CFTR: variants seen among roughly 807,000 people sequenced by gnomAD.
The protein encoded by CFTR is CF transmembrane conductance regulator.
A neutral mutation model predicts 171.6 loss-of-function variants in CFTR; 181 were observed. The ratio of observed to expected loss-of-function variants is 1.05; its 90% CI spans 0.93 to 1.19. CFTR has a LOEUF of 1.19. Ranked by LOEUF, CFTR falls within the 50% of genes most tolerant of loss-of-function variation. The pLI is 0.00. For missense variants in CFTR, 1,968 were observed against 1,734.7 expected (o/e 1.13, Z -2.39); for synonymous variants, 583 against 608.0 (o/e 0.96, Z 0.60).
intron 22 of CFTR, among the ~76,000 whole-genome samples, chr7:117,628,698 C>T (rs1792692633): frequency 6.6e-6 from 1 of 151,910 alleles, no homozygotes; most frequent in African/African-American, 2.4e-5. Context: ...TTTGATTTTG[C>T]CCATGGATTT....
chr7:117,559,751 A>G (rs987927190), intron 11 of CFTR, 96 bp downstream of exon 11: 30 of 828,652 alleles, frequency 3.6e-5, no homozygotes, highest in Non-Finnish European at 5.8e-5. Context: ...GTTAGTCTAC[A>G]TATATTTATG....
At chr7:117,508,684 AT>A (rs1417256635) in intron 2 of CFTR, among the ~76,000 whole-genome samples, 1 of 152,182 alleles carries the variant, frequency 6.6e-6, no homozygotes, top group Admixed American at 6.5e-5. Flanking sequence ...TTGTGTGTTT[AT>A]TTTTTCCACC....
intron 24 of CFTR, among the ~76,000 whole-genome samples, chr7:117,661,983 GAAAAAAAAAA>G (rs57319132): frequency 1.1e-5 from 1 of 87,494 alleles, no homozygotes; most frequent in African/African-American, 3.8e-5. Flanking sequence ...TAATTTTACT[GAAAAAAAAAA>G]AAAAAAAAAA....
At position 117,511,473 on chromosome 7, in the gene CFTR, C is replaced by T. The variant is rs140550688; in HGVS notation, c.273+2331C>T. ...GCATGGGGGTGAGTGGAAAGGTACT[C>T]CTGAGCCCGAGGCTACAGCTTTGGA... On this transcript the variant is annotated intron_variant, in intron 3 of 26. Transcript: ENST00000003084. Among the ~76,000 whole-genome samples the T allele has an allele frequency of 4.6e-5, 7 of 152,256 alleles. No individual in the cohort carries two copies. In the East Asian group the frequency reaches 1.2e-3, roughly 25 times the overall value.
At chr7:117,632,975 T>G (rs1254596473) in intron 22 of CFTR, among the ~76,000 whole-genome samples, 1 of 152,216 alleles carries the variant, frequency 6.6e-6, no homozygotes. Context: ...TCTTCTCTTT[T>G]GATACAGTGT....
rs1438951007 is a variant in CFTR at position 117,555,778 on chromosome 7, A to C, written c.1393-3686A>C. Among the ~76,000 whole-genome samples the C allele has an allele frequency of 1.3e-5, 2 of 152,212 alleles. 1 individual carries two copies. The highest frequency in any genetic ancestry group is 1.3e-4 in the Admixed American group (2 of 15,288). On this transcript the variant is annotated intron_variant, in intron 10 of 26. Transcript: ENST00000003084. The stretch of plus-strand genomic sequence containing the variant: ...AAAATGTGAAACCATCAGTGCAGCT[A>C]TGCCAGCAGGTGTGAAGTCTTGCAC...
intron 3 of CFTR, among the ~76,000 whole-genome samples, chr7:117,510,402 C>G (rs1362122604): frequency 6.6e-6 from 1 of 152,124 alleles, no homozygotes; most frequent in Non-Finnish European, 1.5e-5. Context: ...ACAGTTCACT[C>G]TGATCCTATC....
rs3779543 is a variant in CFTR at position 117,512,717 on chromosome 7, A to G, written c.273+3575A>G. Among the ~76,000 whole-genome samples, 110 of 151,892 alleles carry G rather than the reference A, an allele frequency of 7.2e-4. No individual in the cohort carries two copies. The East Asian group carries it at 0.018, about 25-fold the overall frequency. On this transcript the variant is annotated intron_variant, in intron 3 of 26. Coordinates refer to ENST00000003084, the MANE Select transcript of CFTR (RefSeq NM_000492.4). The stretch of plus-strand genomic sequence containing the variant: ...CTGAATGTGAGAGTCAGTCAAGGAT[A>G]GTTTGAGGGAAGCCAAGTAGAGGAA...
At chr7:117,638,797 A>T (rs34752468) in intron 22 of CFTR, among the ~76,000 whole-genome samples, 219 of 151,862 alleles carry the variant, frequency 1.4e-3, no homozygotes, top group African/African-American at 4.8e-3. Flanking sequence ...ATAAAACAAA[A>T]ATTTTATTCT....
At chr7:117,523,957 T>G (rs1406946917) in intron 3 of CFTR, among the ~76,000 whole-genome samples, 1 of 152,246 alleles carries the variant, frequency 6.6e-6, no homozygotes, top group African/African-American at 2.4e-5. Flanking sequence ...TCTTTTTTTC[T>G]CAGAAGCTTC....
intron 24 of CFTR, 104 bp downstream of exon 24, chr7:117,653,035 G>T (rs1793112266): frequency 1.3e-6 from 1 of 794,320 alleles, no homozygotes; most frequent in Non-Finnish European, 2.3e-6. Context: ...ATGTATGTGT[G>T]TGCACAACTT....
intron 5 of CFTR, among the ~76,000 whole-genome samples, chr7:117,534,756 C>T (rs1433296135): frequency 2.0e-5 from 3 of 152,108 alleles, no homozygotes; most frequent in Admixed American, 2.0e-4. Context: ...TTTATCTTTG[C>T]ATATCCATTA....
At chr7:117,520,326 A>T (rs527842253) in intron 3 of CFTR, among the ~76,000 whole-genome samples, 17 of 146,138 alleles carry the variant, frequency 1.2e-4, no homozygotes, top group African/African-American at 4.3e-4. Flanking sequence ...TGGCAAATCT[A>T]TATATCTTTT....
At chr7:117,594,582 G>A (rs991904281) in intron 14 of CFTR, among the ~76,000 whole-genome samples, 1 of 152,012 alleles carries the variant, frequency 6.6e-6, no homozygotes, top group African/African-American at 2.4e-5. Context: ...GAGAGTTCTG[G>A]GAAACTTCAT....
chr7:117,504,203 G>A lies in CFTR; in HGVS notation c.54-50G>A, dbSNP rs376395433. On this transcript the variant is annotated intron_variant, in intron 1 of 26. Transcript: ENST00000003084. The stretch of plus-strand genomic sequence containing the variant: ...TTGAATAGTATCAGATTCCAAATCT[G>A]TATGGAGACCAAATCAAGTGAATAT... 1.3e-5 allele frequency: 14 copies of A among 1,073,372 alleles called. No individual in the cohort carries two copies. In the African/African-American group the frequency reaches 1.6e-4, roughly 12 times the overall value. 66.5% of individuals were successfully genotyped at this position (1,073,372 alleles called of 1,614,324 possible).
intron 26 of CFTR, among the ~76,000 whole-genome samples, 174 bp downstream of exon 26, chr7:117,665,738 G>C (rs1383665240): frequency 6.6e-6 from 1 of 152,198 alleles, no homozygotes; most frequent in Non-Finnish European, 1.5e-5. Context: ...ACTTTGATCT[G>C]AGCCATGTGG....
chr7:117,496,308 C>T (rs956987250), intron 1 of CFTR, among the ~76,000 whole-genome samples: 2 of 152,020 alleles, frequency 1.3e-5, no homozygotes, highest in African/African-American at 2.4e-5. Flanking sequence ...TAGGCGAAAG[C>T]GGTCCTCCCA....
chr7:117,511,471 C>T (rs1798517639), intron 3 of CFTR, among the ~76,000 whole-genome samples: 1 of 152,296 alleles, frequency 6.6e-6, no homozygotes, highest in Middle Eastern at 3.4e-3. Flanking sequence ...TGGAAAGGTA[C>T]TCCTGAGCCC....
chr7:117,613,999 CTTTTTTTTTTTT>C (rs752774658), intron 20 of CFTR, among the ~76,000 whole-genome samples: 19 of 72,486 alleles, frequency 2.6e-4, no homozygotes, highest in African/African-American at 5.2e-4. Flanking sequence ...GTACAGTAAT[CTTTTTTTTTTTT>C]TTTTTTTTTT....
Sources: allele counts gnomAD v4.1 joint callset (sites outside exome capture counted in the v4.1 genomes callset), GRCh38; gene constraint gnomAD v4.1.1; transcripts MANE v1.5; gene names NCBI Gene and HGNC (gene_info 2026-07-23, HGNC 2026-07-21).